The following ANKRD36C variants were observed in gnomAD, a reference collection of about 807,000 sequenced individuals.
ANKRD36C encodes the protein ankyrin repeat domain 36C, also known as ankyrin repeat domain-containing protein 36C.
A neutral mutation model predicts 276.4 loss-of-function variants in ANKRD36C; 61 were observed. The observed-to-expected ratio is 0.22, with a 90% confidence interval of 0.18 to 0.27. The LOEUF (loss-of-function observed/expected upper bound fraction) is 0.27. Ranked by LOEUF, ANKRD36C falls within the 10% of genes least tolerant of loss-of-function variation. ANKRD36C has a pLI of 1.00. For missense variants in ANKRD36C, 1,447 were observed against 2,032.3 expected, an observed-to-expected ratio of 0.71 and a Z score of 5.54; for synonymous variants, 483 against 680.1, an observed-to-expected ratio of 0.71 and a Z score of 4.51.
At chr2:95,885,776 T>G (rs1359947027) in intron 52 of ANKRD36C, among the ~76,000 whole-genome samples, 1 of 151,836 alleles carries the variant, frequency 6.6e-6, no homozygotes, top group Non-Finnish European at 1.5e-5. Context: ...TAAAGCAAAA[T>G]GATGCTGTCC....
chr2:95,948,367 T>A (rs1363026182), intron 17 of ANKRD36C, among the ~76,000 whole-genome samples, 163 bp downstream of exon 17: 3 of 151,794 alleles, frequency 2.0e-5, no homozygotes, highest in African/African-American at 4.9e-5. Context: ...TAAAAAAAAA[T>A]TAAAATTAAC....
At chr2:95,911,744 T>A (rs1676932619) in intron 42 of ANKRD36C, among the ~76,000 whole-genome samples, 1 of 151,418 alleles carries the variant, frequency 6.6e-6, no homozygotes, top group South Asian at 2.1e-4. Context: ...AACCCCAAAA[T>A]TATATAAACG....
intron 59 of ANKRD36C, among the ~76,000 whole-genome samples, chr2:95,867,962 G>T (rs976077948): frequency 6.6e-6 from 1 of 152,092 alleles, no homozygotes; most frequent in Non-Finnish European, 1.5e-5. Context: ...CAATTCAAAT[G>T]GATCAAATAA....
At chr2:95,902,745 C>G in intron 42 of ANKRD36C, 141 bp downstream of exon 54, 3 of 1,146,978 alleles carry the variant, frequency 2.6e-6, no homozygotes, top group Non-Finnish European at 3.6e-6. Flanking sequence ...TCATCACCCA[C>G]AAACTTATTT....
intron 24 of ANKRD36C, among the ~76,000 whole-genome samples, chr2:95,929,929 C>T (rs1677520083): frequency 6.6e-6 from 1 of 151,376 alleles, no homozygotes; most frequent in Admixed American, 6.6e-5. Context: ...CTCATTGCAA[C>T]AAGGTATAAT....
intron 46 of ANKRD36C, 102 bp downstream of exon 66, chr2:95,891,563 C>T: frequency 2.9e-6 from 4 of 1,371,884 alleles, no homozygotes; most frequent in Non-Finnish European, 4.0e-6. Flanking sequence ...ACTGCTGTAT[C>T]AGAATGTGCA....
At position 95,858,475 on chromosome 2, in the gene ANKRD36C, A is replaced by G. The variant is rs1247891954; in HGVS notation, c.3897-983T>C. On this transcript the variant is annotated intron_variant, in intron 61 of 66. Coordinates refer to ENST00000456556, the Ensembl canonical transcript of ANKRD36C. ...TCTATTACTAGTAACTCTAGTAAAT[A>G]TTATGAAAAAGGATGTTGAAAATTA... Among the ~76,000 whole-genome samples, 8 of 152,332 alleles carry G rather than the reference A, an allele frequency of 5.3e-5. No individual in the cohort carries two copies. In the East Asian group the frequency reaches 1.5e-3, roughly 29 times the overall value.
exon 42 of ANKRD36C, chr2:95,912,298 C>A (rs1293091796): frequency 1.9e-6 from 3 of 1,573,140 alleles, no homozygotes; most frequent in Non-Finnish European, 2.6e-6. Flanking sequence ...GAAAAAGAAT[C>A]TTTCTCATCA....
At chr2:95,862,103 G>A (rs907556596) in intron 60 of ANKRD36C, among the ~76,000 whole-genome samples, 1 of 152,066 alleles carries the variant, frequency 6.6e-6, no homozygotes, top group African/African-American at 2.4e-5. Flanking sequence ...TGAGACCAAA[G>A]TGGATAGAAC....
At position 95,917,826 on chromosome 2, in the gene ANKRD36C, G is replaced by A. The variant is rs567764932; in HGVS notation, c.2347+29C>T. ...AAGTTCTTTTCTATCTGGATTGAAC[G>A]TGACATTAAATGTCTTTTGCAAAAT... On this transcript the variant is annotated intron_variant, in intron 36 of 66. Coordinates refer to ENST00000456556, the Ensembl canonical transcript of ANKRD36C. 1.8e-3 allele frequency: 2,914 copies of A among 1,576,498 alleles called. 10 individuals carry two copies. Among genetic ancestry groups the A allele is most frequent in the Middle Eastern group, 7.8e-3 (37 of 4,752 alleles).
intron 13 of ANKRD36C, among the ~76,000 whole-genome samples, chr2:95,956,470 T>C (rs1476462750): frequency 2.0e-5 from 3 of 152,226 alleles, no homozygotes; most frequent in African/African-American, 4.8e-5. Flanking sequence ...CATAGGTCTG[T>C]ATCCATCTAT....
At chr2:95,976,988 C>T (rs1228033436) in intron 6 of ANKRD36C, among the ~76,000 whole-genome samples, 3 of 151,884 alleles carry the variant, frequency 2.0e-5, no homozygotes, top group Admixed American at 1.3e-4. Context: ...GGTTTTGTCA[C>T]AGGATAGCTT....
chr2:95,987,767 G>A (rs1055715703), intron 1 of ANKRD36C, among the ~76,000 whole-genome samples: 8 of 151,826 alleles, frequency 5.3e-5, no homozygotes, highest in African/African-American at 1.2e-4. Flanking sequence ...GACTACAGGC[G>A]CCCGCTACCG....
chr2:95,970,991 T>C (rs1367319005), intron 6 of ANKRD36C, among the ~76,000 whole-genome samples: 1 of 152,124 alleles, frequency 6.6e-6, no homozygotes. Context: ...GTAAAGCATA[T>C]GCCATTAAAT....
intron 58 of ANKRD36C, among the ~76,000 whole-genome samples, chr2:95,876,853 CAAAAAAAAAAAA>C (rs61043155): frequency 1.2e-5 from 1 of 84,166 alleles, no homozygotes; most frequent in African/African-American, 5.6e-5. Flanking sequence ...GACTGTGTCT[CAAAAAAAAAAAA>C]AAAAAAAAAA....
rs1246636406 is a variant in ANKRD36C, at chr2:95,918,967, C to G, written c.2246-925G>C. On this transcript the variant is annotated intron_variant, in intron 34 of 66. Coordinates refer to ENST00000456556, the Ensembl canonical transcript of ANKRD36C. ...TAGCTATTTCACCCAAGAGGTAGCT[C>G]CTGGAACAAGGAAGCCAATGTATTC... 1.5e-5 allele frequency among the ~76,000 whole-genome samples: 2 copies of G among 129,320 alleles called. 1 individual carries two copies. Among genetic ancestry groups the G allele is most frequent in the East Asian group, 5.6e-4 (2 of 3,570 alleles). The allele number at this position is 129,320 out of a possible 152,430, so 84.8% of individuals were successfully genotyped here.
chr2:95,986,499 G>A (rs994162781), intron 3 of ANKRD36C: 14 of 445,226 alleles, frequency 3.1e-5, no homozygotes, highest in Middle Eastern at 6.3e-4. Context: ...CAGTTGTCAT[G>A]AATTCCAAAT....
intron 48 of ANKRD36C, among the ~76,000 whole-genome samples, 178 bp downstream of exon 68, chr2:95,889,621 T>C (rs1347850885): frequency 6.6e-6 from 1 of 151,522 alleles, no homozygotes; most frequent in African/African-American, 2.4e-5. Flanking sequence ...CTTAGTACTT[T>C]CATCATGGCC....
intron 42 of ANKRD36C, 137 bp downstream of exon 48, chr2:95,908,365 C>T (rs1252897061): frequency 4.1e-6 from 3 of 730,542 alleles, no homozygotes; most frequent in African/African-American, 3.8e-5. Context: ...CACCCAAGAA[C>T]TTATTTGAAA....
Sources: allele counts gnomAD v4.1 joint callset (sites outside exome capture counted in the v4.1 genomes callset), GRCh38; gene constraint gnomAD v4.1.1; transcripts MANE v1.5; gene names NCBI Gene and HGNC (gene_info 2026-07-23, HGNC 2026-07-21).